Variants in PTPN9 observed in about 807,000 individuals in gnomAD.
PTPN9 encodes protein tyrosine phosphatase non-receptor type 9.
A neutral mutation model predicts 69.8 loss-of-function variants in PTPN9; 26 were observed. That is an observed-to-expected ratio of 0.37 (90% CI 0.27 to 0.52). PTPN9 has a LOEUF of 0.52. Ranked by LOEUF, PTPN9 falls within the 20% of genes least tolerant of loss-of-function variation. The probability of loss-of-function intolerance (pLI) is 0.91; values close to 1 mark genes in which losing one functional copy is unlikely to be tolerated. For missense variants in PTPN9, 549 were observed against 740.3 expected (o/e 0.74, Z 3.00); for synonymous variants, 274 against 272.5 (o/e 1.01, Z -0.05).
intron 1 of PTPN9, among the ~76,000 whole-genome samples, chr15:75,575,918 C>CAAAAAA (rs759810846): frequency 2.5e-5 from 1 of 39,282 alleles, no homozygotes; most frequent in Non-Finnish European, 4.6e-5. Flanking sequence ...GACTCCATCT[C>CAAAAAA]AAAAAAAAAA....
intron 8 of PTPN9, chr15:75,487,727 G>C (rs1162260082): frequency 2.0e-5 from 3 of 152,204 alleles, no homozygotes; most frequent in Non-Finnish European, 4.4e-5. Flanking sequence ...TGCTCCTGCA[G>C]GAAAATCTTC....
Position 75,544,874 on chromosome 15 carries a change from G to A in PTPN9, c.64-17613C>T, listed in dbSNP as rs538488390. ...TAGGAAAGAAAGGAGGAATGTGAAT[G>A]GCTGTGAGGAAATTGAAGTTGGCTT... is the stretch of plus-strand genomic sequence containing the variant. On this transcript the variant is annotated intron_variant, in intron 1 of 12. Transcript: ENST00000618819. Among the ~76,000 whole-genome samples the A allele has an allele frequency of 3.3e-5, 5 of 152,242 alleles. No individual in the cohort carries two copies. The South Asian group carries it at 1.0e-3, about 32-fold the overall frequency.
chr15:75,470,981 GA>G, intron 10 of PTPN9, 151 bp from the exon 11 acceptor site: 1 of 948,446 alleles, frequency 1.1e-6, no homozygotes, highest in South Asian at 2.0e-5. Context: ...GAAAGGAAAG[GA>G]AACCTCTTCA....
intron 7 of PTPN9, among the ~76,000 whole-genome samples, chr15:75,496,305 A>G (rs1198766204): frequency 6.6e-6 from 1 of 151,784 alleles, no homozygotes; most frequent in Admixed American, 6.6e-5. Context: ...AATTGTTAAT[A>G]TATTTGATCA....
At position 75,486,198 on chromosome 15, in the gene PTPN9, G is replaced by A. The variant is rs140443354; in HGVS notation, c.1062+4010C>T. 2.3e-3 allele frequency among the ~76,000 whole-genome samples: 353 copies of A among 152,014 alleles called. 1 individual carries two copies. Among genetic ancestry groups the A allele is most frequent in the African/African-American group, 8.0e-3 (332 of 41,446 alleles). ...AGGAAGAACAAACCCGGAACACTAT[G>A]TTGTGAGCCATTGCTATAGACTGAT... On this transcript the variant is annotated intron_variant, in intron 8 of 12. Transcript: ENST00000618819.
intron 12 of PTPN9, among the ~76,000 whole-genome samples, 185 bp downstream of exon 12, chr15:75,469,607 A>C (rs1435598360): frequency 1.3e-5 from 2 of 152,214 alleles, no homozygotes; most frequent in African/African-American, 2.4e-5. Flanking sequence ...GGCTTGTGAA[A>C]TATATATTCT....
At chr15:75,571,506 C>G (rs1034837075) in intron 1 of PTPN9, among the ~76,000 whole-genome samples, 2 of 152,114 alleles carry the variant, frequency 1.3e-5, no homozygotes, top group Non-Finnish European at 2.9e-5. Context: ...GCCTGTACTC[C>G]CAGCATTTTG....
chr15:75,518,841 T>C (rs888526355), intron 4 of PTPN9, among the ~76,000 whole-genome samples: 1 of 145,570 alleles, frequency 6.9e-6, no homozygotes, highest in South Asian at 2.2e-4. Flanking sequence ...AAAAAAAAAG[T>C]AAGCCTATTC....
chr15:75,535,448 G>C (rs1196571535), intron 1 of PTPN9, among the ~76,000 whole-genome samples: 1 of 152,076 alleles, frequency 6.6e-6, no homozygotes, highest in East Asian at 1.9e-4. Flanking sequence ...GATTAACAAT[G>C]CCATCCTAGG....
intron 1 of PTPN9, among the ~76,000 whole-genome samples, chr15:75,532,138 C>T (rs4886714): frequency 0.11 from 16,113 of 152,058 alleles, 1,061 homozygotes; most frequent in East Asian, 0.29. Flanking sequence ...GTGGCTCGCC[C>T]CTGTAAACCC....
chr15:75,501,432 C>CTT (rs370267107), intron 7 of PTPN9, among the ~76,000 whole-genome samples: 1 of 125,390 alleles, frequency 8.0e-6, no homozygotes, highest in South Asian at 2.7e-4. Context: ...CATTTTCTTT[C>CTT]TTTTTTTTTT....
rs1438916258 is a variant in PTPN9, at chr15:75,467,297, A to C, written c.*1472T>G. ...CATTCAAAGAGCTTATTACAGTATA[A>C]AATTATTGAGGTCTGATCAGCTGCC... On this transcript the variant is annotated 3_prime_UTR_variant, in exon 13 of 13. Coordinates refer to ENST00000618819, the MANE Select transcript of PTPN9 (RefSeq NM_002833.4). 1.3e-5 allele frequency: 2 copies of C among 152,630 alleles called. No individual in the cohort carries two copies. The highest frequency in any genetic ancestry group is 1.3e-4 in the Admixed American group (2 of 15,280). The allele number at this position is 152,630 out of a possible 1,614,324, so 9.5% of individuals were successfully genotyped here. A position where few individuals can be genotyped will look rare whatever the true frequency, so the allele number is the denominator to read the frequency against.
intron 7 of PTPN9, among the ~76,000 whole-genome samples, chr15:75,504,657 G>T (rs1307298169): frequency 5.7e-5 from 8 of 140,174 alleles, no homozygotes; most frequent in Non-Finnish European, 9.4e-5. Flanking sequence ...TCAGCCCCCC[G>T]CCCGGCCAGC....
chr15:75,517,168 G>T, intron 5 of PTPN9, 91 bp downstream of exon 5: 1 of 888,300 alleles, frequency 1.1e-6, no homozygotes, highest in Non-Finnish European at 1.7e-6. Flanking sequence ...TCTGAAGTTT[G>T]CATCTTTCCT....
intron 7 of PTPN9, among the ~76,000 whole-genome samples, chr15:75,503,580 T>A (rs1417405180): frequency 1.5e-5 from 2 of 132,018 alleles, no homozygotes; most frequent in Non-Finnish European, 3.2e-5. Flanking sequence ...AGCCGCTCCG[T>A]CCGGGAGGGA....
At chr15:75,527,043 G>A (rs537596301) in intron 2 of PTPN9, 75 bp downstream of exon 2, 2 of 1,545,870 alleles carry the variant, frequency 1.3e-6, no homozygotes, top group East Asian at 2.3e-5. Context: ...ACCAATGTGT[G>A]TGTCGAGCAT....
rs943685505 is a variant in PTPN9 at position 75,468,382 on chromosome 15, T to A, written c.*387A>T. 6 of 177,730 alleles carry A rather than the reference T, an allele frequency of 3.4e-5. No homozygotes were observed. The highest frequency in any genetic ancestry group is 3.6e-5 in the Non-Finnish European group (3 of 82,582). The allele number at this position is 177,730 out of a possible 1,614,324, so 11.0% of individuals were successfully genotyped here. The stretch of plus-strand genomic sequence containing the variant: ...GAGAAAGGCAAATGCTCATCAAACC[T>A]CCCCATAAAATCCTAGGAAAGGGAA... On this transcript the variant is annotated 3_prime_UTR_variant, in exon 13 of 13. Coordinates refer to ENST00000618819, the MANE Select transcript of PTPN9 (RefSeq NM_002833.4).
chr15:75,577,148 C>T (rs1465270290), intron 1 of PTPN9, among the ~76,000 whole-genome samples: 1 of 152,134 alleles, frequency 6.6e-6, no homozygotes, highest in Non-Finnish European at 1.5e-5. Context: ...GCACTATGTA[C>T]AAAGTAAAGC....
chr15:75,526,140 T>C (rs1261828576), intron 2 of PTPN9, among the ~76,000 whole-genome samples: 1 of 151,678 alleles, frequency 6.6e-6, no homozygotes, highest in Non-Finnish European at 1.5e-5. Context: ...GGAATACAGG[T>C]GCCACTACAC....
Sources: allele counts gnomAD v4.1 joint callset (sites outside exome capture counted in the v4.1 genomes callset), GRCh38; gene constraint gnomAD v4.1.1; transcripts MANE v1.5; gene names NCBI Gene and HGNC (gene_info 2026-07-23, HGNC 2026-07-21).